PRKAG2: variants seen among roughly 807,000 people sequenced by gnomAD.
The protein encoded by PRKAG2 is 5'-AMP-activated protein kinase subunit gamma-2.
In PRKAG2, 26 loss-of-function variants were observed where a neutral mutation model predicts 69.6. The ratio of observed to expected loss-of-function variants is 0.37; its 90% CI spans 0.27 to 0.52. PRKAG2 has a LOEUF of 0.52. PRKAG2 is among the 20% of genes least tolerant of loss of function. The pLI is 0.90. For synonymous variants in PRKAG2, 293 were observed against 285.0 expected, an observed-to-expected ratio of 1.03 and a Z score of -0.28; for missense variants, 557 against 740.0, an observed-to-expected ratio of 0.75 and a Z score of 2.87.
intron 4 of PRKAG2, among the ~76,000 whole-genome samples, chr7:151,654,894 T>C (rs1468566686): frequency 6.6e-6 from 1 of 152,210 alleles, no homozygotes; most frequent in African/African-American, 2.4e-5. Flanking sequence ...GGTTTTGCCA[T>C]GTTGGCCAGG....
In PRKAG2 at chr7:151,632,184, C is replaced by T. The variant is rs751198318; in HGVS notation, c.685-46G>A. ...AGCGATCAGCATGAGCTGCGACGCT[C>T]GTCCCCGGCCGGCGGGCTCGCGGCC... On this transcript the variant is annotated intron_variant, in intron 4 of 15. Transcript: ENST00000287878. The surrounding 1 kb of genome is among the most constrained non-coding windows in gnomAD (Gnocchi z 4.2). The T allele has an allele frequency of 1.4e-5, 17 of 1,227,668 alleles. No individual in the cohort carries two copies. The highest frequency in any genetic ancestry group is 1.7e-5 in the Non-Finnish European group (17 of 976,952). 76.0% of individuals were successfully genotyped at this position (1,227,668 alleles called of 1,614,324 possible). A position where few individuals can be genotyped will look rare whatever the true frequency, so the allele number is the denominator to read the frequency against.
At chr7:151,798,235 C>T (rs928499435) in intron 1 of PRKAG2, among the ~76,000 whole-genome samples, 5 of 152,116 alleles carry the variant, frequency 3.3e-5, no homozygotes, top group African/African-American at 1.2e-4. Flanking sequence ...AACTCCTGAC[C>T]TCATGATCCA....
intron 3 of PRKAG2, among the ~76,000 whole-genome samples, chr7:151,725,989 G>C (rs552329110): frequency 5.9e-5 from 9 of 152,278 alleles, no homozygotes; most frequent in Non-Finnish European, 1.0e-4. Context: ...ACAGCTGGTG[G>C]TTACAAACCA....
intron 5 of PRKAG2, among the ~76,000 whole-genome samples, chr7:151,616,855 T>C (rs1482557636): frequency 7.9e-5 from 12 of 151,936 alleles, no homozygotes. Flanking sequence ...GTTTGAAAAA[T>C]GATGTAGCCG....
rs374298822 is a variant in PRKAG2, at chr7:151,807,695, C to T, written c.115-21154G>A. 69 of 433,280 alleles carry T rather than the reference C, an allele frequency of 1.6e-4. No homozygotes were observed. Among genetic ancestry groups the T allele is most frequent in the South Asian group, 9.3e-4 (57 of 61,250 alleles). 26.8% of individuals were successfully genotyped at this position (433,280 alleles called of 1,614,324 possible). On this transcript the variant is annotated intron_variant, in intron 1 of 15. Transcript: ENST00000287878. This position sits in a 1 kb window ranked among gnomAD's most constrained non-coding sequence, Gnocchi z 4.4. ...CACAACCGTTTCCACTGCCTATTCC[C>T]GGGCCCCTCACTTGGGTCAAGGCAG...
At chr7:151,852,121 G>A (rs1445504387) in intron 1 of PRKAG2, among the ~76,000 whole-genome samples, 6 of 152,180 alleles carry the variant, frequency 3.9e-5, no homozygotes, top group African/African-American at 1.4e-4. Context: ...AGGCTCCTAC[G>A]CAAGCCTGTG....
intron 1 of PRKAG2, among the ~76,000 whole-genome samples, chr7:151,856,982 G>A (rs1262246863): frequency 6.6e-6 from 1 of 152,150 alleles, no homozygotes; most frequent in African/African-American, 2.4e-5. Context: ...GCAGCCCAAA[G>A]TCTACTGCTT....
chr7:151,807,482 T>C lies in PRKAG2; in HGVS notation c.115-20941A>G, dbSNP rs1464471072. 2.2e-6 allele frequency: 1 copy of C among 457,880 alleles called. No homozygotes were observed. Among genetic ancestry groups the C allele is most frequent in the African/African-American group, 2.0e-5 (1 of 50,208 alleles). 28.4% of individuals were successfully genotyped at this position (457,880 alleles called of 1,614,324 possible). Reference sequence around the variant, plus strand: ...TTGGTGCCAAAGCACCATGGCGTGTTACACCTATCAGATCGGGCACACTGC... The same window carrying C: ...TTGGTGCCAAAGCACCATGGCGTGTCACACCTATCAGATCGGGCACACTGC... On this transcript the variant is annotated intron_variant, in intron 1 of 15. Coordinates refer to ENST00000287878, the MANE Select transcript of PRKAG2 (RefSeq NM_016203.4). The surrounding 1 kb of genome is among the most constrained non-coding windows in gnomAD (Gnocchi z 4.4).
At chr7:151,610,015 C>T (rs1414733454) in intron 5 of PRKAG2, among the ~76,000 whole-genome samples, 1 of 152,198 alleles carries the variant, frequency 6.6e-6, no homozygotes, top group African/African-American at 2.4e-5. Flanking sequence ...CCAACACCAC[C>T]TTTATCTCAT....
intron 1 of PRKAG2, among the ~76,000 whole-genome samples, chr7:151,847,469 C>T (rs538254793): frequency 9.4e-4 from 143 of 152,218 alleles, no homozygotes; most frequent in East Asian, 5.8e-4. Context: ...CTCTTGTCCC[C>T]GAGCCTCTCT....
At chr7:151,730,460 G>C (rs1024290017) in intron 3 of PRKAG2, among the ~76,000 whole-genome samples, 5 of 152,192 alleles carry the variant, frequency 3.3e-5, no homozygotes, top group African/African-American at 1.2e-4. Context: ...GAGCCCAGGA[G>C]TTCGAGACCA....
chr7:151,634,241 A>G (rs1825354419), intron 4 of PRKAG2, among the ~76,000 whole-genome samples: 1 of 152,244 alleles, frequency 6.6e-6, no homozygotes. Flanking sequence ...ATGGAGGTGT[A>G]AAAGCAATAG....
rs552298795 is a variant in PRKAG2, at chr7:151,836,322, C to G, written c.114+40185G>C. On this transcript the variant is annotated intron_variant, in intron 1 of 15. Coordinates refer to ENST00000287878, the MANE Select transcript of PRKAG2 (RefSeq NM_016203.4). The surrounding 1 kb of genome is among the most constrained non-coding windows in gnomAD (Gnocchi z 4.1). ...ACTGTGGTCTGACTGCAGGCTGACA[C>G]ACCTGGGTCCACAGGCTGGATTCTC... Among the ~76,000 whole-genome samples, 1 of 152,322 alleles carries G rather than the reference C, an allele frequency of 6.6e-6. No individual in the cohort carries two copies. The highest frequency in any genetic ancestry group is 1.9e-4 in the East Asian group (1 of 5,180).
intron 3 of PRKAG2, among the ~76,000 whole-genome samples, chr7:151,758,910 C>T (rs761564895): frequency 5.9e-5 from 9 of 152,114 alleles, no homozygotes; most frequent in Non-Finnish European, 8.8e-5. Flanking sequence ...TCTGAGGAGG[C>T]GGGAGACCAT....
At position 151,557,230 on chromosome 7, in the gene PRKAG2, C is replaced by T. The variant is rs61744760; in HGVS notation, c.1681G>A (p.Ala561Thr). 2 of 1,614,030 alleles carry T rather than the reference C, an allele frequency of 1.2e-6. No individual in the cohort carries two copies. Among genetic ancestry groups the T allele is most frequent in the Admixed American group, 1.7e-5 (1 of 59,992 alleles). The change falls in exon 16 of 16, where the codon GCC becomes ACC. Residue 561 changes from alanine to threonine, a missense_variant and splice_region_variant. This residue lies in a region of PRKAG2 where 205 missense variants were observed against 383.4 expected (regional missense o/e 0.53). Coordinates refer to ENST00000287878, the MANE Select transcript of PRKAG2 (RefSeq NM_016203.4). ...TCCGTTTCTGTCTCCTTTTGTTTGG[C>T]ACCTGTCAGTGGATGGAAGATGAAA... ...LQALILTPAG[A>T]KQKETETE
chr7:151,775,441 C>T, intron 3 of PRKAG2, among the ~76,000 whole-genome samples: 1 of 152,232 alleles, frequency 6.6e-6, no homozygotes, highest in East Asian at 1.9e-4. Flanking sequence ...CCTTCCCTTC[C>T]TGAGTCCTGA....
intron 1 of PRKAG2, chr7:151,809,237 C>G (rs781724236): frequency 4.4e-6 from 2 of 456,704 alleles, no homozygotes; most frequent in Middle Eastern, 3.3e-4. Context: ...AGCAATTCTG[C>G]TTTCAAAACA....
intron 1 of PRKAG2, among the ~76,000 whole-genome samples, chr7:151,795,846 C>T (rs1359930455): frequency 5.8e-4 from 33 of 56,798 alleles, no homozygotes; most frequent in South Asian, 2.0e-3. Context: ...AAACAAATCT[C>T]ATATATATAT....
chr7:151,685,401 T>C (rs1275122923), intron 3 of PRKAG2, among the ~76,000 whole-genome samples: 1 of 152,106 alleles, frequency 6.6e-6, no homozygotes, highest in Non-Finnish European at 1.5e-5. Context: ...TCTTGAAAAA[T>C]AGGGTGTTTA....
Sources: allele counts gnomAD v4.1 joint callset (sites outside exome capture counted in the v4.1 genomes callset), GRCh38; gene constraint gnomAD v4.1.1; regional missense constraint gnomAD v4.1.1; non-coding constraint Gnocchi (gnomAD v3.1); transcripts MANE v1.5; gene names NCBI Gene and HGNC (gene_info 2026-07-23, HGNC 2026-07-21).